The following STXBP5L variants were observed in gnomAD, a reference collection of about 807,000 sequenced individuals.
The protein encoded by STXBP5L is syntaxin binding protein 5L.
STXBP5L carries 65 observed loss-of-function variants against 144.5 expected under a neutral mutation model. The ratio of observed to expected loss-of-function variants is 0.45; its 90% CI spans 0.37 to 0.55. The LOEUF (loss-of-function observed/expected upper bound fraction) is 0.55, where lower values mean the gene tolerates loss of function less well. STXBP5L is among the 20% of genes least tolerant of loss of function. STXBP5L has a pLI of 0.00. For synonymous variants in STXBP5L, 505 were observed against 469.6 expected (o/e 1.08, Z -0.97); for missense variants, 1,298 against 1,405.5 (o/e 0.92, Z 1.22).
chr3:121,151,480 T>A (rs1174622579), intron 7 of STXBP5L, among the ~76,000 whole-genome samples: 1 of 152,166 alleles, frequency 6.6e-6, no homozygotes, highest in African/African-American at 2.4e-5. Flanking sequence ...TTGTGTCTCA[T>A]TGTAAGATGT....
intron 7 of STXBP5L, among the ~76,000 whole-genome samples, chr3:121,147,898 A>G (rs1254531324): frequency 6.6e-6 from 1 of 152,104 alleles, no homozygotes; most frequent in Non-Finnish European, 1.5e-5. Context: ...ACTCTAACTG[A>G]AACATCGGCT....
intron 5 of STXBP5L, among the ~76,000 whole-genome samples, chr3:121,047,364 G>T (rs547734172): frequency 1.3e-4 from 20 of 152,064 alleles, no homozygotes; most frequent in Non-Finnish European, 2.6e-4. Flanking sequence ...ATGTCTAATA[G>T]TTCCATTTGG....
chr3:121,418,562 A>T lies in STXBP5L; in HGVS notation c.3447+5A>T. On this transcript the variant is annotated splice_donor_5th_base_variant and intron_variant, in intron 26 of 26. Coordinates refer to ENST00000471454, the MANE Select transcript of STXBP5L (RefSeq NM_001308330.2). ...TTTTCCAAACATGCACATGAGGTAA[A>T]CTGCCTAAGTAAATACAGACATCTT... The T allele has an allele frequency of 6.2e-7, 1 of 1,613,602 alleles. No homozygotes were observed. Among genetic ancestry groups the T allele is most frequent in the Non-Finnish European group, 8.5e-7 (1 of 1,179,766 alleles).
chr3:120,957,106 C>G (rs1938119594), intron 3 of STXBP5L, among the ~76,000 whole-genome samples: 1 of 151,896 alleles, frequency 6.6e-6, no homozygotes. Context: ...TACTGGCACC[C>G]TTGTCAAAAA....
At chr3:120,985,263 T>C (rs1233316030) in intron 3 of STXBP5L, among the ~76,000 whole-genome samples, 1 of 152,130 alleles carries the variant, frequency 6.6e-6, no homozygotes, top group Non-Finnish European at 1.5e-5. Context: ...ATGTTTGTTA[T>C]AATTCCTCTG....
chr3:120,959,142 C>G (rs1268141156), intron 3 of STXBP5L, among the ~76,000 whole-genome samples: 2 of 152,244 alleles, frequency 1.3e-5, no homozygotes, highest in Admixed American at 1.3e-4. Flanking sequence ...GAGTGAACTC[C>G]CATTCACAAT....
intron 23 of STXBP5L, among the ~76,000 whole-genome samples, chr3:121,410,917 A>G (rs2047101269): frequency 6.6e-6 from 1 of 151,978 alleles, no homozygotes; most frequent in Admixed American, 6.6e-5. Context: ...TTCTTGGCTT[A>G]CTTGTTATTA....
chr3:121,025,431 T>C (rs914991438), intron 3 of STXBP5L, among the ~76,000 whole-genome samples: 5 of 152,100 alleles, frequency 3.3e-5, no homozygotes, highest in East Asian at 1.9e-4. Flanking sequence ...ATAAATATTA[T>C]AATGCAAATA....
At chr3:121,365,951 G>A (rs2045853142) in intron 20 of STXBP5L, among the ~76,000 whole-genome samples, 1 of 150,408 alleles carries the variant, frequency 6.6e-6, no homozygotes, top group Admixed American at 6.6e-5. Context: ...ATATGTTTTT[G>A]GTATGTTGTA....
chr3:121,424,193 C>T lies in STXBP5L; in HGVS notation c.*5096C>T, dbSNP rs938668531. The T allele has an allele frequency of 6.6e-6, 1 of 152,160 alleles. No individual in the cohort carries two copies. The highest frequency in any genetic ancestry group is 1.5e-5 in the Non-Finnish European group (1 of 68,032). 9.4% of individuals were successfully genotyped at this position (152,160 alleles called of 1,614,324 possible). A position where few individuals can be genotyped will look rare whatever the true frequency, so the allele number is the denominator to read the frequency against. On this transcript the variant is annotated 3_prime_UTR_variant, in exon 27 of 27. Transcript: ENST00000471454. ...TCTGCTGTAGGTATATTTCACTGGA[C>T]TTGGTCTTAGCAAAAAGGAAGAACA...
intron 20 of STXBP5L, among the ~76,000 whole-genome samples, chr3:121,342,115 A>T (rs779478054): frequency 1.3e-5 from 2 of 152,016 alleles, no homozygotes; most frequent in Non-Finnish European, 2.9e-5. Context: ...ATATATACAC[A>T]TACTATTTAC....
intron 9 of STXBP5L, among the ~76,000 whole-genome samples, chr3:121,164,562 A>G (rs987406311): frequency 6.6e-6 from 1 of 152,156 alleles, no homozygotes; most frequent in Non-Finnish European, 1.5e-5. Flanking sequence ...AGGAAATGAA[A>G]TCACCACCCT....
intron 8 of STXBP5L, among the ~76,000 whole-genome samples, chr3:121,153,444 C>T (rs1436724115): frequency 6.6e-6 from 1 of 151,856 alleles, no homozygotes; most frequent in Non-Finnish European, 1.5e-5. Flanking sequence ...AAAACCTAAT[C>T]TTATATAGGA....
intron 2 of STXBP5L, among the ~76,000 whole-genome samples, chr3:120,911,312 A>T (rs1025685711): frequency 2.0e-5 from 3 of 152,212 alleles, no homozygotes; most frequent in Non-Finnish European, 4.4e-5. Context: ...CAGGCAAGAG[A>T]TAGTCATAGG....
chr3:121,069,038 A>T (rs1338243326), intron 5 of STXBP5L, among the ~76,000 whole-genome samples: 3 of 152,100 alleles, frequency 2.0e-5, no homozygotes, highest in Non-Finnish European at 4.4e-5. Flanking sequence ...GCATAGTTAT[A>T]TGTAATTTTA....
chr3:121,009,828 G>A (rs896473707), intron 3 of STXBP5L, among the ~76,000 whole-genome samples: 1 of 151,818 alleles, frequency 6.6e-6, no homozygotes, highest in Admixed American at 6.6e-5. Flanking sequence ...CAAGGGCCTA[G>A]TAGCATGTCA....
chr3:120,995,134 T>C (rs1412658499), intron 3 of STXBP5L, among the ~76,000 whole-genome samples: 1 of 152,052 alleles, frequency 6.6e-6, no homozygotes, highest in Non-Finnish European at 1.5e-5. Flanking sequence ...GTTTTCTGCT[T>C]GTTTTCTCTT....
intron 20 of STXBP5L, among the ~76,000 whole-genome samples, chr3:121,375,257 C>G (rs776162406): frequency 1.1e-4 from 16 of 152,120 alleles, no homozygotes; most frequent in Non-Finnish European, 2.2e-4. Flanking sequence ...ATGGAAAGTT[C>G]AATAATCCCC....
At chr3:121,201,370 A>T (rs1577195425) in intron 9 of STXBP5L, among the ~76,000 whole-genome samples, 1 of 152,110 alleles carries the variant, frequency 6.6e-6, no homozygotes, top group Non-Finnish European at 1.5e-5. Context: ...TTGCTTGGTA[A>T]ATATTCCTCC....
Sources: gnomAD v4.1 joint callset for allele counts (sites outside exome capture counted in the v4.1 genomes callset) on GRCh38, gnomAD v4.1.1 for gene constraint, MANE v1.5 for transcripts, NCBI Gene and HGNC (gene_info 2026-07-23, HGNC 2026-07-21) for gene names.